Variants in IL1RAPL2 observed in about 807,000 individuals in gnomAD.
IL1RAPL2 encodes the protein interleukin 1 receptor accessory protein like 2.
Under a neutral mutation model 44.1 loss-of-function variants are expected in IL1RAPL2, and 3 were observed. That is an observed-to-expected ratio of 0.07 (90% CI 0.03 to 0.18). The LOEUF (loss-of-function observed/expected upper bound fraction) is 0.18. Among genes scored for constraint, IL1RAPL2 ranks in the 10% least tolerant of loss-of-function variants. IL1RAPL2 has a pLI of 1.00. For synonymous variants in IL1RAPL2, 181 were observed against 178.8 expected, an observed-to-expected ratio of 1.01 and a Z score of -0.10; for missense variants, 391 against 496.4, an observed-to-expected ratio of 0.79 and a Z score of 2.02.
At position 104,699,027 on chromosome X, in the gene IL1RAPL2, A is replaced by G. The variant is rs150247574; in HGVS notation, c.82+40032A>G. On this transcript the variant is annotated intron_variant, in intron 2 of 10. Transcript: ENST00000372582. ...TCTCTCTCATTACATTATAGCTGGTATAGGCTGGTAGGGAAGTTGTGCTCC... is the reference window on the plus strand; with the variant it reads ...TCTCTCTCATTACATTATAGCTGGTGTAGGCTGGTAGGGAAGTTGTGCTCC... Among the ~76,000 whole-genome samples the G allele has an allele frequency of 1.1e-3, 117 of 110,709 alleles. 1 individual carries two copies. The highest frequency in any genetic ancestry group is 3.6e-3 in the African/African-American group (110 of 30,354).
At chrX:104,922,217 G>A (rs1316117573) in intron 2 of IL1RAPL2, among the ~76,000 whole-genome samples, 4 of 112,307 alleles carry the variant, frequency 3.6e-5, no homozygotes, top group African/African-American at 1.3e-4. Context: ...CATCAACAAA[G>A]GCCAAGTAAA....
chrX:104,947,523 T>G (rs1181366822), intron 2 of IL1RAPL2, among the ~76,000 whole-genome samples: 1 of 103,143 alleles, frequency 9.7e-6, no homozygotes, highest in Non-Finnish European at 2.0e-5. Context: ...ATGCCTAGGT[T>G]TTCTTCTAGG....
In IL1RAPL2 at chrX:105,307,570, T is replaced by A. The variant is rs749766584; in HGVS notation, c.697+40029T>A. On this transcript the variant is annotated intron_variant, in intron 5 of 10. Transcript: ENST00000372582. ...TAATATATATTTTCTATTATATATA[T>A]TATATATAATATATATTTTCTATTA... 7.9e-5 allele frequency among the ~76,000 whole-genome samples: 4 copies of A among 50,385 alleles called. No individual in the cohort carries two copies. In the East Asian group the frequency reaches 1.9e-3, roughly 24 times the overall value. 43.8% of individuals were successfully genotyped at this position (50,385 alleles called of 115,157 possible). A position where few individuals can be genotyped will look rare whatever the true frequency, so the allele number is the denominator to read the frequency against.
intron 2 of IL1RAPL2, among the ~76,000 whole-genome samples, chrX:104,786,778 A>G (rs1932799904): frequency 1.8e-5 from 2 of 111,518 alleles, no homozygotes; most frequent in Non-Finnish European, 3.8e-5. Context: ...AAACAGACAA[A>G]TGAAATGCCA....
chrX:104,725,600 A>G (rs1402950510), intron 2 of IL1RAPL2, among the ~76,000 whole-genome samples: 1 of 111,959 alleles, frequency 8.9e-6, no homozygotes, highest in Non-Finnish European at 1.9e-5. Context: ...ATGGTATCTC[A>G]TTGTGGTTTT....
chrX:105,344,236 TAAG>T (rs1464020678), intron 5 of IL1RAPL2, among the ~76,000 whole-genome samples: 1 of 112,114 alleles, frequency 8.9e-6, no homozygotes, highest in African/African-American at 3.2e-5. Context: ...TATTCCTTTT[TAAG>T]TTGAGAAATT....
intron 6 of IL1RAPL2, among the ~76,000 whole-genome samples, chrX:105,530,983 C>T (rs777094849): frequency 8.9e-6 from 1 of 111,928 alleles, no homozygotes; most frequent in African/African-American, 3.2e-5. Context: ...ATCCATTCAT[C>T]TGTTGATGGA....
chrX:105,719,219 C>T (rs1028155730), intron 7 of IL1RAPL2, among the ~76,000 whole-genome samples: 8 of 110,970 alleles, frequency 7.2e-5, no homozygotes, highest in Non-Finnish European at 1.5e-4. Flanking sequence ...CCATAAAAAA[C>T]GAAATATTGG....
chrX:104,918,796 C>A (rs771503438), intron 2 of IL1RAPL2, among the ~76,000 whole-genome samples: 68 of 111,644 alleles, frequency 6.1e-4, no homozygotes, highest in Non-Finnish European at 7.5e-5. Flanking sequence ...GCTCATTGGA[C>A]CATGGTCTGG....
intron 2 of IL1RAPL2, among the ~76,000 whole-genome samples, chrX:105,007,326 G>A (rs950695624): frequency 7.2e-5 from 8 of 111,471 alleles, no homozygotes; most frequent in Admixed American, 6.7e-4. Context: ...TTTTGTAGAT[G>A]TGGAAACTAT....
rs6616553 is a variant in IL1RAPL2, at chrX:104,870,377, A to T, written c.82+211382A>T. On this transcript the variant is annotated intron_variant, in intron 2 of 10. Transcript: ENST00000372582. Reference sequence around the variant, plus strand: ...GCTTTGAAACATATTCCTATATTTAACTATGAATAGCAGTAATGACTAACA... The same window carrying T: ...GCTTTGAAACATATTCCTATATTTATCTATGAATAGCAGTAATGACTAACA... Among the ~76,000 whole-genome samples the T allele has an allele frequency of 1.4e-3, 161 of 112,568 alleles. No individual in the cohort carries two copies. In the East Asian group the frequency reaches 0.036, roughly 25 times the overall value.
intron 2 of IL1RAPL2, among the ~76,000 whole-genome samples, chrX:105,042,766 G>GAC (rs1387440844): frequency 2.8e-5 from 3 of 107,554 alleles, no homozygotes; most frequent in East Asian, 2.9e-4. Flanking sequence ...CTGCTATAAA[G>GAC]ACACACACAC....
At chrX:104,674,550 A>C (rs1263329736) in intron 2 of IL1RAPL2, among the ~76,000 whole-genome samples, 1 of 111,688 alleles carries the variant, frequency 9.0e-6, no homozygotes, top group Non-Finnish European at 1.9e-5. Flanking sequence ...ATATTGGTCT[A>C]AAATTCTCTT....
At chrX:104,663,520 A>G (rs1414351713) in intron 2 of IL1RAPL2, among the ~76,000 whole-genome samples, 1 of 110,768 alleles carries the variant, frequency 9.0e-6, no homozygotes. Flanking sequence ...ACAATGTGAT[A>G]TTGAGATCTC....
chrX:105,449,637 C>T (rs1039975467), intron 5 of IL1RAPL2, among the ~76,000 whole-genome samples: 1 of 109,733 alleles, frequency 9.1e-6, no homozygotes, highest in Non-Finnish European at 1.9e-5. Context: ...GTCCCAGCTA[C>T]TCAGGAGGCT....
At chrX:105,242,477 T>C in intron 4 of IL1RAPL2, among the ~76,000 whole-genome samples, 1 of 111,920 alleles carries the variant, frequency 8.9e-6, no homozygotes, top group South Asian at 3.7e-4. Flanking sequence ...TTTTCATTTG[T>C]CAGTTTTAAA....
At chrX:105,602,663 G>A (rs1238034350) in intron 6 of IL1RAPL2, among the ~76,000 whole-genome samples, 3 of 110,030 alleles carry the variant, frequency 2.7e-5, no homozygotes, top group Non-Finnish European at 1.9e-5. Flanking sequence ...CAGAGACAAA[G>A]AGAGAAATAT....
intron 2 of IL1RAPL2, among the ~76,000 whole-genome samples, chrX:105,040,754 T>C (rs2031717684): frequency 9.1e-6 from 1 of 110,364 alleles, no homozygotes; most frequent in South Asian, 3.8e-4. Context: ...TTATTGTGTC[T>C]ATTTGATTCT....
At chrX:104,882,330 A>C (rs1176374502) in intron 2 of IL1RAPL2, among the ~76,000 whole-genome samples, 1 of 112,247 alleles carries the variant, frequency 8.9e-6, no homozygotes, top group East Asian at 2.8e-4. Context: ...TTTCTTTCTA[A>C]ATAAGTACCC....
Sources: allele counts gnomAD v4.1 joint callset (sites outside exome capture counted in the v4.1 genomes callset), GRCh38; gene constraint gnomAD v4.1.1; transcripts MANE v1.5; gene names NCBI Gene and HGNC (gene_info 2026-07-23, HGNC 2026-07-21).